Variants in DCC observed in about 807,000 individuals in gnomAD.
DCC encodes DCC netrin 1 receptor.
In DCC, 58 loss-of-function variants were observed where a neutral mutation model predicts 172.5. That is an observed-to-expected ratio of 0.34 (90% CI 0.27 to 0.42). DCC has a LOEUF of 0.42. DCC is among the 10% of genes least tolerant of loss of function. The probability of loss-of-function intolerance (pLI) is 1.00; values close to 1 mark genes in which losing one functional copy is unlikely to be tolerated. For missense variants in DCC, 1,740 were observed against 1,791.0 expected (o/e 0.97, Z 0.51); for synonymous variants, 709 against 644.5 (o/e 1.10, Z -1.52).
chr18:52,828,144 C>G (rs1477570675), intron 2 of DCC, among the ~76,000 whole-genome samples: 2 of 152,120 alleles, frequency 1.3e-5, no homozygotes, highest in African/African-American at 2.4e-5. Context: ...AGCCATGTTA[C>G]TCCTCAGTTC....
At chr18:52,983,923 A>T (rs553462487) in intron 5 of DCC, among the ~76,000 whole-genome samples, 6 of 152,276 alleles carry the variant, frequency 3.9e-5, no homozygotes, top group Non-Finnish European at 8.8e-5. Flanking sequence ...TATTTTTTTC[A>T]TATGGCACTG....
At chr18:52,735,650 G>A (rs565036757) in intron 1 of DCC, among the ~76,000 whole-genome samples, 94 of 152,140 alleles carry the variant, frequency 6.2e-4, no homozygotes, top group African/African-American at 2.1e-3. Flanking sequence ...ATGAACTTGG[G>A]GTCTGATGTT....
intron 2 of DCC, among the ~76,000 whole-genome samples, chr18:52,873,501 C>T (rs921926098): frequency 6.6e-6 from 1 of 152,176 alleles, no homozygotes; most frequent in African/African-American, 2.4e-5. Context: ...CATATAAAAC[C>T]TTTTGGTCCT....
intron 2 of DCC, among the ~76,000 whole-genome samples, chr18:52,815,437 C>CACACACACACAT (rs200788100): frequency 2.7e-5 from 4 of 150,424 alleles, no homozygotes; most frequent in African/African-American, 9.8e-5. Flanking sequence ...CACACACACA[C>CACACACACACAT]GTTCTCTCTC....
Position 53,427,056 on chromosome 18 carries a change from G to A in DCC, c.3164-8088G>A, listed in dbSNP as rs192873356. ...CCTTTAGGATAAGCTTGTGAACCAC[G>A]CAGATGGGGGAGGCTTTTATGGATC... On this transcript the variant is annotated intron_variant, in intron 21 of 28. Coordinates refer to ENST00000442544, the MANE Select transcript of DCC (RefSeq NM_005215.4). Among the ~76,000 whole-genome samples the A allele has an allele frequency of 8.3e-4, 126 of 152,206 alleles. 4 individuals carry two copies. The highest frequency in any genetic ancestry group is 2.6e-4 in the Non-Finnish European group (18 of 67,998).
chr18:53,428,373 T>TTATAATATATTGTATATAATATAA (rs1911227540), intron 21 of DCC, among the ~76,000 whole-genome samples: 1 of 42,982 alleles, frequency 2.3e-5, no homozygotes, highest in Admixed American at 3.6e-4. Context: ...TAATATAATA[T>TTATAATATATTGTATATAATATAA]TATAATATAT....
At chr18:52,644,809 A>AAGGGAGGGAGGG (rs779171722) in intron 1 of DCC, among the ~76,000 whole-genome samples, 1 of 104,010 alleles carries the variant, frequency 9.6e-6, no homozygotes, top group South Asian at 4.2e-4. Flanking sequence ...GGAAGGAAGG[A>AAGGGAGGGAGGG]AGGGAGGGAG....
At position 53,115,228 on chromosome 18, in the gene DCC, G is replaced by A. The variant is rs2043392521; in HGVS notation, c.1262-42128G>A. Among the ~76,000 whole-genome samples the A allele has an allele frequency of 2.6e-5, 4 of 151,506 alleles. 1 individual carries two copies. In the South Asian group the frequency reaches 8.3e-4, roughly 31 times the overall value. On this transcript the variant is annotated intron_variant, in intron 7 of 28. Transcript: ENST00000442544. ...TGCCAATGATGGTTTTCTGAGGTGT[G>A]GGAGATGAACTAAAATCTTTCTTAA...
intron 25 of DCC, among the ~76,000 whole-genome samples, chr18:53,486,523 T>G (rs941629300): frequency 2.0e-5 from 3 of 152,048 alleles, no homozygotes; most frequent in African/African-American, 7.2e-5. Flanking sequence ...AATGTTAAGG[T>G]GGATTTATGG....
intron 1 of DCC, among the ~76,000 whole-genome samples, chr18:52,383,141 T>C (rs2144328844): frequency 6.6e-6 from 1 of 152,210 alleles, no homozygotes; most frequent in Admixed American, 6.5e-5. Flanking sequence ...AGACAGATTC[T>C]CAAAGACAAA....
At chr18:52,604,340 A>G (rs9954095) in intron 1 of DCC, among the ~76,000 whole-genome samples, 1,615 of 152,226 alleles carry the variant, frequency 0.011, 27 homozygotes, top group African/African-American at 0.035. Flanking sequence ...GATAGCTTCT[A>G]TGTATATCAG....
At chr18:52,808,697 C>T (rs115533602) in intron 2 of DCC, among the ~76,000 whole-genome samples, 1,992 of 152,258 alleles carry the variant, frequency 0.013, 43 homozygotes, top group African/African-American at 0.045. Flanking sequence ...CCCTGTTGTA[C>T]GGACTCCTTG....
intron 1 of DCC, among the ~76,000 whole-genome samples, chr18:52,390,700 GA>G (rs1985997463): frequency 1.3e-5 from 2 of 152,068 alleles, no homozygotes; most frequent in South Asian, 4.1e-4. Context: ...GGAAAGAGAA[GA>G]AATGCAGCAT....
At chr18:53,403,894 T>A (rs903293874) in intron 19 of DCC, among the ~76,000 whole-genome samples, 5 of 152,200 alleles carry the variant, frequency 3.3e-5, no homozygotes, top group African/African-American at 1.2e-4. Flanking sequence ...GATTGAAATT[T>A]AAGTTGAAAA....
chr18:52,439,106 G>T (rs1485720453), intron 1 of DCC, among the ~76,000 whole-genome samples: 1 of 151,484 alleles, frequency 6.6e-6, no homozygotes, highest in Non-Finnish European at 1.5e-5. Context: ...TCCAGGTTTG[G>T]TTTATGAAAG....
At chr18:53,466,179 A>C (rs963347770) in intron 24 of DCC, among the ~76,000 whole-genome samples, 6 of 152,124 alleles carry the variant, frequency 3.9e-5, no homozygotes, top group Non-Finnish European at 8.8e-5. Flanking sequence ...CTCGGCCTCC[A>C]TAACAGGTGC....
In DCC at chr18:53,159,008, A is replaced by AAAAAAAAAAG. The variant is rs34406723; in HGVS notation, c.1418+1496_1418+1497insAAAAAAAAAG. On this transcript the variant is annotated intron_variant, in intron 8 of 28. Transcript: ENST00000442544. ...CATCTCAAAAAAAAAAAAAAAAAGA[A>AAAAAAAAAAG]GAAGATGTAGGCATACCCATATTGC... Among the ~76,000 whole-genome samples, 129 of 119,134 alleles carry AAAAAAAAAAG rather than the reference A, an allele frequency of 1.1e-3. 14 individuals carry two copies. Among genetic ancestry groups the AAAAAAAAAAG allele is most frequent in the African/African-American group, 1.3e-3 (40 of 30,650 alleles). The allele number at this position is 119,134 out of a possible 152,430, so 78.2% of individuals were successfully genotyped here.
chr18:52,725,426 G>C (rs1313744403), intron 1 of DCC, among the ~76,000 whole-genome samples: 1 of 152,180 alleles, frequency 6.6e-6, no homozygotes, highest in Non-Finnish European at 1.5e-5. Context: ...TGACATAATA[G>C]AATAATGTTC....
intron 1 of DCC, among the ~76,000 whole-genome samples, chr18:52,525,482 G>A (rs921889274): frequency 6.6e-6 from 1 of 152,170 alleles, no homozygotes; most frequent in African/African-American, 2.4e-5. Context: ...TCTAGATATA[G>A]TCATCCCCAT....
Sources: allele counts gnomAD v4.1 joint callset (sites outside exome capture counted in the v4.1 genomes callset), GRCh38; gene constraint gnomAD v4.1.1; transcripts MANE v1.5; gene names NCBI Gene and HGNC (gene_info 2026-07-23, HGNC 2026-07-21).